Variants in CFAP43 observed in about 807,000 individuals in gnomAD.
The protein encoded by CFAP43 is cilia- and flagella-associated protein 43.
In CFAP43, 155 loss-of-function variants were observed where a neutral mutation model predicts 218.9. The ratio of observed to expected loss-of-function variants is 0.71; its 90% CI spans 0.62 to 0.81. CFAP43 has a LOEUF of 0.81. Ranked by LOEUF, CFAP43 falls within the 30% of genes least tolerant of loss-of-function variation. The probability of loss-of-function intolerance (pLI) is 0.00; values close to 1 mark genes in which losing one functional copy is unlikely to be tolerated. For missense variants in CFAP43, 1,778 were observed against 1,954.3 expected, an observed-to-expected ratio of 0.91 and a Z score of 1.70; for synonymous variants, 645 against 681.3, an observed-to-expected ratio of 0.95 and a Z score of 0.83.
intron 3 of CFAP43, among the ~76,000 whole-genome samples, chr10:104,218,088 C>T (rs906424247): frequency 1.4e-4 from 22 of 152,056 alleles, no homozygotes; most frequent in Non-Finnish European, 2.6e-4. Context: ...GTGGCTCACG[C>T]CTGTAATCCC....
rs369899394 is a variant in CFAP43, at chr10:104,232,209, G to A, written c.38C>T (p.Ser13Phe). The change falls in exon 1 of 38, where the codon TCC (serine) becomes TTC (phenylalanine). Residue 13 changes from serine to phenylalanine, a missense_variant. Coordinates refer to ENST00000357060, the MANE Select transcript of CFAP43 (RefSeq NM_025145.7). ...QGRERDEGPH[S>F]AGGASLSVRW... ...CACGGACAAGGACGCGCCGCCGGCGGAGTGGGGGCCTTCGTCGCGCTCCCG... is the reference window on the plus strand; with the variant it reads ...CACGGACAAGGACGCGCCGCCGGCGAAGTGGGGGCCTTCGTCGCGCTCCCG... 3 of 1,609,838 alleles carry A rather than the reference G, an allele frequency of 1.9e-6. No individual in the cohort carries two copies. Among genetic ancestry groups the A allele is most frequent in the Non-Finnish European group, 1.7e-6 (2 of 1,178,750 alleles).
At chr10:104,196,743 T>C (rs1589756767) in intron 10 of CFAP43, 110 bp downstream of exon 10, 1 of 880,004 alleles carries the variant, frequency 1.1e-6, no homozygotes, top group Non-Finnish European at 1.7e-6. Context: ...AAAAATGCAG[T>C]GAGGCTTCGG....
Position 104,230,587 on chromosome 10 carries a change from T to C in CFAP43, c.319+3A>G. 1 of 1,613,652 alleles carries C rather than the reference T, an allele frequency of 6.2e-7. No individual in the cohort carries two copies. Among genetic ancestry groups the C allele is most frequent in the Non-Finnish European group, 8.5e-7 (1 of 1,179,856 alleles). ...TGGGCAGAGGAAGGGTTCTCTAGAA[T>C]ACCTTTCAATTTGGTCCTTCTGGTC... On this transcript the variant is annotated splice_donor_region_variant and intron_variant, in intron 2 of 37. Transcript: ENST00000357060.
intron 10 of CFAP43, among the ~76,000 whole-genome samples, chr10:104,195,163 C>G (rs1379996998): frequency 1.3e-5 from 2 of 152,182 alleles, no homozygotes; most frequent in African/African-American, 4.8e-5. Flanking sequence ...GGACTGGGAT[C>G]CCCCAGGACC....
chr10:104,167,759 C>A (rs2089234246), intron 21 of CFAP43, 22 bp from the exon 22 acceptor site: 2 of 1,557,118 alleles, frequency 1.3e-6, no homozygotes, highest in Non-Finnish European at 1.7e-6. Flanking sequence ...AAACGCAAGA[C>A]AAAATAAATC....
chr10:104,192,132 C>A, intron 12 of CFAP43, 67 bp downstream of exon 12: 1 of 1,232,724 alleles, frequency 8.1e-7, no homozygotes, highest in East Asian at 2.5e-5. Flanking sequence ...ATGAAAAGTC[C>A]ATTTTCATAA....
chr10:104,160,471 C>A (rs955359343), intron 27 of CFAP43, among the ~76,000 whole-genome samples: 1 of 152,224 alleles, frequency 6.6e-6, no homozygotes, highest in Non-Finnish European at 1.5e-5. Context: ...ATTTACTTGA[C>A]TGCACATCAC....
In CFAP43 at chr10:104,224,754, C is replaced by CAAA. The variant is rs66877503; in HGVS notation, c.416+704_416+706dup. Among the ~76,000 whole-genome samples, 656 of 69,940 alleles carry CAAA rather than the reference C, an allele frequency of 9.4e-3. 11 individuals are homozygous for CAAA. Among genetic ancestry groups the CAAA allele is most frequent in the African/African-American group, 0.024 (459 of 19,518 alleles). The allele number at this position is 69,940 out of a possible 152,430, so 45.9% of individuals were successfully genotyped here. On this transcript the variant is annotated intron_variant, in intron 3 of 37. Coordinates refer to ENST00000357060, the MANE Select transcript of CFAP43 (RefSeq NM_025145.7). ...TGGGGGACAGAGTGAGACTCCATCT[C>CAAA]AAAAAAAAAAAAAAAAAAAAAAATT... is the stretch of plus-strand genomic sequence containing the variant.
At chr10:104,218,021 A>G (rs1039227077) in intron 3 of CFAP43, among the ~76,000 whole-genome samples, 2 of 152,210 alleles carry the variant, frequency 1.3e-5, no homozygotes, top group Non-Finnish European at 2.9e-5. Context: ...CCGTAAATAC[A>G]TATGGCAACA....
chr10:104,182,509 A>G lies in CFAP43; in HGVS notation c.2146T>C (p.Phe716Leu). ...ATTTCACTGGCTAGGTGTCCTCCAA[A>G]TCGCCTATATTAATAAAAAAGAAAA... ...GTLVYLKWKR[F>L]GGHLASEILD... Residue 716 changes from phenylalanine (F) to leucine (L), a missense_variant, in exon 17 of 38, where the codon TTT becomes CTT. Transcript: ENST00000357060. 1 of 1,580,306 alleles carries G rather than the reference A, an allele frequency of 6.3e-7. No individual in the cohort carries two copies.
At chr10:104,195,331 G>A (rs1355174264) in intron 10 of CFAP43, among the ~76,000 whole-genome samples, 8 of 152,136 alleles carry the variant, frequency 5.3e-5, no homozygotes, top group Non-Finnish European at 1.0e-4. Context: ...CCCCTGGGTG[G>A]GTTGTTAAAC....
intron 9 of CFAP43, among the ~76,000 whole-genome samples, chr10:104,197,318 C>T (rs751984040): frequency 1.2e-4 from 18 of 152,062 alleles, no homozygotes; most frequent in Non-Finnish European, 2.6e-4. Flanking sequence ...TTTAGGATTA[C>T]AGAAAAATTG....
At chr10:104,208,443 T>C (rs1005741686) in intron 5 of CFAP43, among the ~76,000 whole-genome samples, 2 of 152,226 alleles carry the variant, frequency 1.3e-5, no homozygotes, top group African/African-American at 4.8e-5. Flanking sequence ...GTGGCTTTTT[T>C]TTCTTTAAGA....
chr10:104,191,308 T>C (rs1393389291), intron 12 of CFAP43, among the ~76,000 whole-genome samples: 2 of 150,624 alleles, frequency 1.3e-5, no homozygotes, highest in African/African-American at 4.9e-5. Context: ...AGTCATCTTC[T>C]AGTAAACTCT....
At chr10:104,179,155 C>G (rs568928816) in intron 18 of CFAP43, 49 bp from the exon 19 acceptor site, 15 of 1,066,684 alleles carry the variant, frequency 1.4e-5, no homozygotes, top group Non-Finnish European at 1.9e-5. Context: ...AAATATCAGA[C>G]AGAGAGAGAG....
chr10:104,187,652 C>A (rs2090075677), intron 13 of CFAP43, among the ~76,000 whole-genome samples, 160 bp from the exon 14 acceptor site: 1 of 152,036 alleles, frequency 6.6e-6, no homozygotes, highest in Non-Finnish European at 1.5e-5. Flanking sequence ...CACTTGTCTC[C>A]CTAGAAATAC....
intron 13 of CFAP43, 118 bp downstream of exon 13, chr10:104,188,152 C>A (rs976431960): frequency 3.8e-6 from 5 of 1,304,284 alleles, no homozygotes; most frequent in Non-Finnish European, 5.2e-6. Flanking sequence ...TAAAGATAGA[C>A]AAAAGGTGGC....
chr10:104,205,413 T>C (rs980530671), intron 7 of CFAP43, among the ~76,000 whole-genome samples: 1 of 152,112 alleles, frequency 6.6e-6, no homozygotes, highest in Non-Finnish European at 1.5e-5. Context: ...AAAAGGAGGA[T>C]GTCAATAGTT....
At chr10:104,206,116 T>C (rs1172676705) in intron 6 of CFAP43, 86 bp from the exon 7 acceptor site, 3 of 1,049,824 alleles carry the variant, frequency 2.9e-6, no homozygotes, top group African/African-American at 1.6e-5. Flanking sequence ...CTTTTACTGA[T>C]GTAAATCTTA....
Sources: allele counts gnomAD v4.1 joint callset (sites outside exome capture counted in the v4.1 genomes callset), GRCh38; gene constraint gnomAD v4.1.1; transcripts MANE v1.5; gene names NCBI Gene and HGNC (gene_info 2026-07-23, HGNC 2026-07-21).